Variants in ARHGAP32 observed in about 807,000 individuals in gnomAD.
ARHGAP32 encodes Rho GTPase activating protein 32, also known as rho GTPase-activating protein 32.
A neutral mutation model predicts 186.5 loss-of-function variants in ARHGAP32; 51 were observed. The observed-to-expected ratio is 0.27, with a 90% CI of 0.22 to 0.35. The LOEUF (loss-of-function observed/expected upper bound fraction) is 0.35. ARHGAP32 is among the 10% of genes least tolerant of loss of function. The pLI is 1.00. For synonymous variants in ARHGAP32, 950 were observed against 964.3 expected (o/e 0.99, Z 0.27); for missense variants, 2,186 against 2,623.5 (o/e 0.83, Z 3.64).
chr11:129,191,971 C>T (rs1944279261), intron 1 of ARHGAP32, 112 bp downstream of exon 1: 2 of 793,710 alleles, frequency 2.5e-6, no homozygotes, highest in East Asian at 4.9e-5. Flanking sequence ...AAACCTTCCC[C>T]CAGAAAACAG....
At chr11:129,025,041 T>A (rs1350423532) in intron 11 of ARHGAP32, among the ~76,000 whole-genome samples, 1 of 152,234 alleles carries the variant, frequency 6.6e-6, no homozygotes, top group East Asian at 1.9e-4. Flanking sequence ...TTTACTAATA[T>A]TAATGTAAAT....
chr11:129,235,123 C>T (rs1458357096), intron 1 of ARHGAP32, among the ~76,000 whole-genome samples: 2 of 152,134 alleles, frequency 1.3e-5, no homozygotes, highest in Non-Finnish European at 2.9e-5. Context: ...AAAGAGAAGG[C>T]CACGTGAAGG....
chr11:129,124,780 A>C (rs1291976482), intron 3 of ARHGAP32, 23 bp downstream of exon 3: 1 of 1,518,630 alleles, frequency 6.6e-7, no homozygotes, highest in Admixed American at 2.0e-5. Flanking sequence ...TTCATTTAGA[A>C]TCCACTGTAA....
intron 6 of ARHGAP32, among the ~76,000 whole-genome samples, chr11:129,079,187 T>C (rs1469192753): frequency 6.6e-6 from 1 of 152,170 alleles, no homozygotes; most frequent in African/African-American, 2.4e-5. Flanking sequence ...GAAAACATAT[T>C]TGAGGGAACA....
chr11:129,267,893 C>T (rs2135721164), intron 1 of ARHGAP32, among the ~76,000 whole-genome samples: 1 of 152,016 alleles, frequency 6.6e-6, no homozygotes, highest in Admixed American at 6.5e-5. Flanking sequence ...GAGGGAGGTA[C>T]CAGGCTCTTT....
At position 129,124,859 on chromosome 11, in the gene ARHGAP32, A is replaced by G; in HGVS notation, c.261T>C (p.Asp87=). The G allele has an allele frequency of 1.2e-6, 2 of 1,611,188 alleles. No individual in the cohort carries two copies. Among genetic ancestry groups the G allele is most frequent in the Non-Finnish European group, 1.7e-6 (2 of 1,178,612 alleles). Residue 87 remains aspartate, a synonymous_variant, in exon 3 of 23, where the codon GAT becomes GAC. Transcript: ENST00000682385. ...TACTGCCACACGTCTTAAGAGTAAG[A>G]TCTCCAGGAATCTCTGGAACATCTG... ...RGADVPEIPG[D]LTLKTCGSTA...
At chr11:129,129,885 C>T (rs2048987591) in intron 2 of ARHGAP32, among the ~76,000 whole-genome samples, 2 of 152,156 alleles carry the variant, frequency 1.3e-5, no homozygotes, top group East Asian at 3.8e-4. Flanking sequence ...AAGAGTTGAA[C>T]ATAACTTCAC....
At chr11:129,057,454 G>A (rs1485819816) in intron 10 of ARHGAP32, among the ~76,000 whole-genome samples, 1 of 152,054 alleles carries the variant, frequency 6.6e-6, no homozygotes, top group African/African-American at 2.4e-5. Flanking sequence ...TTCAGGACTG[G>A]TTGACATCTA....
At chr11:129,089,752 A>G (rs1243149360) in intron 6 of ARHGAP32, among the ~76,000 whole-genome samples, 1 of 152,240 alleles carries the variant, frequency 6.6e-6, no homozygotes, top group Non-Finnish European at 1.5e-5. Flanking sequence ...ATAAGGTTAT[A>G]ATAGATTATA....
At chr11:128,986,311 T>C (rs1282736622) in intron 14 of ARHGAP32, among the ~76,000 whole-genome samples, 1 of 152,216 alleles carries the variant, frequency 6.6e-6, no homozygotes, top group East Asian at 1.9e-4. Flanking sequence ...GTATTAAGTG[T>C]GACAAGACTA....
intron 1 of ARHGAP32, among the ~76,000 whole-genome samples, chr11:129,236,943 G>C (rs1944944729): frequency 6.6e-6 from 1 of 152,122 alleles, no homozygotes. Flanking sequence ...ATTTTGCTGA[G>C]GGTTTTCATC....
intron 2 of ARHGAP32, among the ~76,000 whole-genome samples, chr11:129,137,212 A>T (rs896203647): frequency 1.3e-5 from 2 of 151,830 alleles, no homozygotes; most frequent in Admixed American, 1.3e-4. Flanking sequence ...AAATATATAT[A>T]TGTGTTTTCT....
At chr11:129,012,779 T>C (rs1419483130) in intron 11 of ARHGAP32, among the ~76,000 whole-genome samples, 1 of 152,238 alleles carries the variant, frequency 6.6e-6, no homozygotes, top group Admixed American at 6.5e-5. Context: ...GCAGCAGTAG[T>C]CTGCCATATT....
At chr11:129,105,787 C>G (rs1485283581) in intron 5 of ARHGAP32, among the ~76,000 whole-genome samples, 1 of 151,946 alleles carries the variant, frequency 6.6e-6, no homozygotes, top group African/African-American at 2.4e-5. Flanking sequence ...GAGGAAAAAA[C>G]AAAAACTGTA....
At chr11:129,183,746 C>G (rs185840254) in intron 1 of ARHGAP32, among the ~76,000 whole-genome samples, 1 of 152,106 alleles carries the variant, frequency 6.6e-6, no homozygotes, top group African/African-American at 2.4e-5. Context: ...GACACTGAAG[C>G]AGCCATTCAC....
chr11:129,017,248 G>A (rs554019215), intron 11 of ARHGAP32, among the ~76,000 whole-genome samples: 6 of 152,180 alleles, frequency 3.9e-5, no homozygotes, highest in Non-Finnish European at 8.8e-5. Context: ...AAGGTCAGGA[G>A]TTCGAGACCA....
chr11:129,182,253 C>T (rs1251030037), intron 1 of ARHGAP32, among the ~76,000 whole-genome samples: 1 of 151,976 alleles, frequency 6.6e-6, no homozygotes, highest in Non-Finnish European at 1.5e-5. Flanking sequence ...ATATGTCATT[C>T]TATATATGTA....
At chr11:129,239,540 C>A (rs973780209) in intron 1 of ARHGAP32, among the ~76,000 whole-genome samples, 1 of 152,020 alleles carries the variant, frequency 6.6e-6, no homozygotes, top group African/African-American at 2.4e-5. Flanking sequence ...CTAGAATAAC[C>A]CTCCTAAAAT....
At chr11:129,245,071 C>A (rs1446339858) in intron 1 of ARHGAP32, among the ~76,000 whole-genome samples, 1 of 151,458 alleles carries the variant, frequency 6.6e-6, no homozygotes, top group Non-Finnish European at 1.5e-5. Flanking sequence ...ACTGGAAATA[C>A]CATTTGACCC....
Sources: gnomAD v4.1 joint callset for allele counts (sites outside exome capture counted in the v4.1 genomes callset) on GRCh38, gnomAD v4.1.1 for gene constraint, MANE v1.5 for transcripts, NCBI Gene and HGNC (gene_info 2026-07-23, HGNC 2026-07-21) for gene names.